Variants in ADGRL2 observed in about 807,000 individuals in gnomAD.
ADGRL2 encodes the protein adhesion G protein-coupled receptor L2, also known as calcium-independent alpha-latrotoxin receptor 2.
In ADGRL2, 44 loss-of-function variants were observed where a neutral mutation model predicts 157.4. That is an observed-to-expected ratio of 0.28 (90% CI 0.22 to 0.36). The LOEUF is 0.36. ADGRL2 is among the 10% of genes least tolerant of loss of function. The pLI, the probability that ADGRL2 is intolerant of heterozygous loss-of-function variation, is 1.00. For synonymous variants in ADGRL2, 585 were observed against 624.7 expected (o/e 0.94, Z 0.95); for missense variants, 1,510 against 1,768.9 (o/e 0.85, Z 2.63).
At chr1:81,318,480 C>T (rs1402313173) in intron 1 of ADGRL2, among the ~76,000 whole-genome samples, 2 of 152,060 alleles carry the variant, frequency 1.3e-5, no homozygotes, top group East Asian at 1.9e-4. Context: ...ATACTGACAT[C>T]TACTAATAGC....
intron 2 of ADGRL2, among the ~76,000 whole-genome samples, chr1:81,776,927 G>A (rs918585609): frequency 2.0e-5 from 3 of 152,100 alleles, no homozygotes; most frequent in African/African-American, 7.2e-5. Flanking sequence ...AGTAATTAAC[G>A]TAATTAACAC....
chr1:81,714,948 T>A (rs1216264039), intron 1 of ADGRL2, among the ~76,000 whole-genome samples: 4 of 152,114 alleles, frequency 2.6e-5, no homozygotes, highest in African/African-American at 9.6e-5. Context: ...TAGCTTATAA[T>A]TTCTTTTGTT....
rs1054613005 is a variant in ADGRL2, at chr1:81,971,833, T to C, written c.2955-19T>C. ...TTCCATAGAAACTACTAATGCATAT[T>C]CTTCTCTTTTCATAATAGTTGCTGG... On this transcript the variant is annotated intron_variant, in intron 16 of 23. Coordinates refer to ENST00000686636, the MANE Select transcript of ADGRL2 (RefSeq NM_001366006.2). The C allele has an allele frequency of 5.4e-6, 8 of 1,491,024 alleles. No individual in the cohort carries two copies. The highest frequency in any genetic ancestry group is 6.5e-6 in the Non-Finnish European group (7 of 1,070,744). 92.4% of individuals were successfully genotyped at this position (1,491,024 alleles called of 1,614,324 possible).
chr1:81,875,321 TG>T (rs2093809792), intron 2 of ADGRL2, among the ~76,000 whole-genome samples: 1 of 152,136 alleles, frequency 6.6e-6, no homozygotes, highest in Non-Finnish European at 1.5e-5. Context: ...ACTGAGTGGC[TG>T]GAGTAGTTAT....
chr1:81,534,722 C>A (rs776835582), intron 2 of ADGRL2, among the ~76,000 whole-genome samples: 6 of 152,308 alleles, frequency 3.9e-5, no homozygotes, highest in African/African-American at 4.8e-5. Flanking sequence ...CTGACTACCT[C>A]CCGCTGGTCC....
intron 1 of ADGRL2, among the ~76,000 whole-genome samples, chr1:81,436,131 A>C (rs931213156): frequency 6.6e-6 from 1 of 152,186 alleles, no homozygotes; most frequent in Non-Finnish European, 1.5e-5. Context: ...CTTCAAAAGG[A>C]AAGTATTCAG....
intron 3 of ADGRL2, among the ~76,000 whole-genome samples, chr1:81,677,554 A>G (rs539877504): frequency 6.6e-6 from 1 of 152,304 alleles, no homozygotes; most frequent in Non-Finnish European, 1.5e-5. Context: ...AAAACTGTTC[A>G]AGTTGACCTC....
At chr1:81,958,925 G>C (rs1238289543) in intron 11 of ADGRL2, among the ~76,000 whole-genome samples, 1 of 152,218 alleles carries the variant, frequency 6.6e-6, no homozygotes, top group Non-Finnish European at 1.5e-5. Flanking sequence ...CTTTTATGCA[G>C]AGGAATATTT....
At chr1:81,851,289 A>G (rs773756820) in intron 2 of ADGRL2, among the ~76,000 whole-genome samples, 8 of 151,934 alleles carry the variant, frequency 5.3e-5, no homozygotes, top group Non-Finnish European at 1.0e-4. Context: ...TCTCTTCCCT[A>G]AATATGGAAC....
In ADGRL2 at chr1:81,391,709, C is replaced by T. The variant is rs145012027; in HGVS notation, c.-301-53327C>T. Among the ~76,000 whole-genome samples the T allele has an allele frequency of 2.2e-3, 339 of 152,266 alleles. 6 individuals are homozygous for T. The East Asian group carries it at 0.025, about 11-fold the overall frequency. On this transcript the variant is annotated intron_variant, in intron 1 of 24. Coordinates refer to the ADGRL2 transcript ENST00000370721. Reference sequence around the variant, plus strand: ...ACTGACAATTTAGCCACTTACACTTCACTCTCCAAACCTGTGCCTCACTAA... The same window carrying T: ...ACTGACAATTTAGCCACTTACACTTTACTCTCCAAACCTGTGCCTCACTAA...
intron 2 of ADGRL2, among the ~76,000 whole-genome samples, chr1:81,870,873 T>A (rs998079922): frequency 6.6e-6 from 1 of 152,022 alleles, no homozygotes; most frequent in Non-Finnish European, 1.5e-5. Flanking sequence ...GAAAACTTTG[T>A]ACTCTTTACC....
chr1:81,885,072 C>T (rs1261095256), intron 2 of ADGRL2, among the ~76,000 whole-genome samples: 1 of 151,848 alleles, frequency 6.6e-6, no homozygotes, highest in African/African-American at 2.4e-5. Context: ...CATAAAATTG[C>T]CAATTTATTT....
chr1:81,354,682 T>C (rs1663148047), intron 1 of ADGRL2, among the ~76,000 whole-genome samples: 1 of 152,202 alleles, frequency 6.6e-6, no homozygotes, highest in East Asian at 1.9e-4. Context: ...GCCGCTTTCA[T>C]AGAATGTATT....
At chr1:81,834,948 G>T (rs970384010) in intron 1 of ADGRL2, among the ~76,000 whole-genome samples, 3 of 152,058 alleles carry the variant, frequency 2.0e-5, no homozygotes, top group Admixed American at 2.0e-4. Context: ...CACAATAGAG[G>T]TCTTGATTGT....
chr1:81,619,141 G>T (rs2081731998), intron 3 of ADGRL2, among the ~76,000 whole-genome samples: 1 of 152,106 alleles, frequency 6.6e-6, no homozygotes, highest in Admixed American at 6.6e-5. Flanking sequence ...ATAATCCTTA[G>T]AATAAAATTA....
chr1:81,859,969 G>C (rs1331230239), intron 2 of ADGRL2, among the ~76,000 whole-genome samples: 1 of 151,690 alleles, frequency 6.6e-6, no homozygotes, highest in Non-Finnish European at 1.5e-5. Context: ...CTCACACCTG[G>C]AATTCCAGCA....
chr1:81,688,452 T>A (rs1242727723), intron 3 of ADGRL2, among the ~76,000 whole-genome samples: 4 of 152,182 alleles, frequency 2.6e-5, no homozygotes, highest in African/African-American at 4.8e-5. Flanking sequence ...TTCTACTTGT[T>A]CAATTCTATT....
chr1:81,439,662 G>A (rs1241812866), intron 1 of ADGRL2, among the ~76,000 whole-genome samples: 3 of 152,232 alleles, frequency 2.0e-5, no homozygotes, highest in Non-Finnish European at 4.4e-5. Flanking sequence ...CCATGTGAGG[G>A]TGCCCACAAC....
intron 1 of ADGRL2, among the ~76,000 whole-genome samples, chr1:81,803,805 T>C (rs2088694253): frequency 6.6e-6 from 1 of 152,148 alleles, no homozygotes. Context: ...GTACGTGCAC[T>C]TCTCTTCCCC....
Sources: allele counts gnomAD v4.1 joint callset (sites outside exome capture counted in the v4.1 genomes callset), GRCh38; gene constraint gnomAD v4.1.1; transcripts MANE v1.5; gene names NCBI Gene and HGNC (gene_info 2026-07-23, HGNC 2026-07-21).